CCDC66: variants seen among roughly 807,000 people sequenced by gnomAD.
The protein encoded by CCDC66 is coiled-coil domain containing 66.
CCDC66 carries 133 observed loss-of-function variants against 128.3 expected under a neutral mutation model. The observed-to-expected ratio is 1.04, with a 90% CI of 0.90 to 1.20. The LOEUF is 1.20. Ranked by LOEUF, CCDC66 falls within the 50% of genes most tolerant of loss-of-function variation. The pLI is 0.00. For synonymous variants in CCDC66, 387 were observed against 357.0 expected (o/e 1.08, Z -0.95); for missense variants, 1,126 against 1,075.5 (o/e 1.05, Z -0.66).
At chr3:56,570,219 G>T (rs1009918250) in intron 6 of CCDC66, 2 of 152,032 alleles carry the variant, frequency 1.3e-5, no homozygotes, top group Admixed American at 6.5e-5. Context: ...CATGCTTCCA[G>T]TAACATTCTT....
rs564192692 is a variant in CCDC66, at chr3:56,580,033, T to C, written c.936+8731T>C. On this transcript the variant is annotated intron_variant, in intron 7 of 17. Coordinates refer to ENST00000394672, the MANE Select transcript of CCDC66 (RefSeq NM_001141947.3). ...GTGTTAAAGTCTCCCATTATTATTG[T>C]GTGGGAGTCTAAGTCTCTTTGTAGG... Among the ~76,000 whole-genome samples, 3 of 151,860 alleles carry C rather than the reference T, an allele frequency of 2.0e-5. No individual in the cohort carries two copies. The South Asian group carries it at 6.2e-4, about 32-fold the overall frequency.
At position 56,564,091 on chromosome 3, in the gene CCDC66, T is replaced by G. The variant is rs1262221101; in HGVS notation, c.510T>G (p.Ser170=). 6.2e-7 allele frequency: 1 copy of G among 1,606,490 alleles called. No homozygotes were observed. Among genetic ancestry groups the G allele is most frequent in the Non-Finnish European group, 8.5e-7 (1 of 1,176,340 alleles). The change falls in exon 4 of 18, where the codon TCT becomes TCG. Residue 170 remains serine, a synonymous_variant. Transcript: ENST00000394672. ...TGACTGTAAACCAAGGAAATAGATCTCTTTCCCTGACTGAGAATGGAAAGG... is the reference window on the plus strand; with the variant it reads ...TGACTGTAAACCAAGGAAATAGATCGCTTTCCCTGACTGAGAATGGAAAGG... The part of the protein sequence containing the change: ...ILMTVNQGNR[S]LSLTENGKEA...
In CCDC66 at chr3:56,621,610, T is replaced by A; in HGVS notation, c.2839T>A (p.Ser947Thr). ...AENQEESFGS[S>T]F ...AAATCAAGAAGAGAGTTTTGGTTCTTCATTTTAAATGTAGAAAATCAAATC... is the reference window on the plus strand; with the variant it reads ...AAATCAAGAAGAGAGTTTTGGTTCTACATTTTAAATGTAGAAAATCAAATC... The change falls in exon 18 of 18, where the codon TCA becomes ACA. Residue 947 changes from serine (S) to threonine (T), a missense_variant. By Grantham distance (58) the Ser-to-Thr change is moderately conservative. Transcript: ENST00000394672. The A allele has an allele frequency of 6.3e-7, 1 of 1,593,938 alleles. No individual in the cohort carries two copies. Among genetic ancestry groups the A allele is most frequent in the Non-Finnish European group, 8.6e-7 (1 of 1,169,544 alleles).
intron 7 of CCDC66, chr3:56,572,473 A>G (rs2066769391): frequency 3.3e-6 from 3 of 919,050 alleles, no homozygotes; most frequent in African/African-American, 1.8e-5. Flanking sequence ...ACCTTTTAGT[A>G]TTTGACCTCT....
Position 56,571,242 on chromosome 3 carries a change from G to A in CCDC66, c.876G>A (p.Trp292Ter). ...TTTCTGAAAAATGGAATGATCCTTG[G>A]AAAAAATCTGAAAGTGATAAAATAA... is the stretch of plus-strand genomic sequence containing the variant. ...KEVSEKWNDP[W>*]KKSESDKIIW... Residue 292 changes from tryptophan to a stop codon, truncating the protein, a stop_gained, in exon 7 of 18, where the codon TGG becomes TGA. Coordinates refer to ENST00000394672, the MANE Select transcript of CCDC66 (RefSeq NM_001141947.3). LOFTEE classifies it high-confidence loss of function. 1.3e-6 allele frequency: 2 copies of A among 1,544,464 alleles called. No individual in the cohort carries two copies. Among genetic ancestry groups the A allele is most frequent in the Non-Finnish European group, 1.8e-6 (2 of 1,130,182 alleles).
intron 7 of CCDC66, 45 bp downstream of exon 7, chr3:56,571,347 A>C: frequency 8.8e-6 from 11 of 1,256,962 alleles, no homozygotes; most frequent in Non-Finnish European, 1.2e-5. Flanking sequence ...AGCAGTGTTC[A>C]TATTATAGAA....
At position 56,571,207 on chromosome 3, in the gene CCDC66, GAAA is replaced by G; in HGVS notation, c.844_846del (p.Lys282del). 1 of 1,529,890 alleles carries G rather than the reference GAAA, an allele frequency of 6.5e-7. No homozygotes were observed. The highest frequency in any genetic ancestry group is 1.4e-5 in the African/African-American group (1 of 71,534). The allele number at this position is 1,529,890 out of a possible 1,614,324, so 94.8% of individuals were successfully genotyped here. ...TGAACAGGTTGCTTTAAAGAAGAAAGAAAAAGAAGTTTCTGAAAAATGGAATGA... is the reference window on the plus strand; with the variant it reads ...TGAACAGGTTGCTTTAAAGAAGAAAGAAGAAGTTTCTGAAAAATGGAATGA... On this transcript the variant is annotated inframe_deletion, in exon 7 of 18. Transcript: ENST00000394672.
intron 7 of CCDC66, among the ~76,000 whole-genome samples, chr3:56,591,975 T>C (rs575331955): frequency 6.6e-6 from 1 of 152,334 alleles, no homozygotes; most frequent in South Asian, 2.1e-4. Flanking sequence ...TCAGAAGAAT[T>C]TGAGTAGAAT....
intron 10 of CCDC66, among the ~76,000 whole-genome samples, chr3:56,597,641 TGGG>T (rs2072248079): frequency 6.6e-6 from 1 of 151,936 alleles, no homozygotes; most frequent in East Asian, 1.9e-4. Context: ...CTATTGTAGG[TGGG>T]ATTGCCTTCT....
intron 10 of CCDC66, among the ~76,000 whole-genome samples, chr3:56,601,729 G>C (rs1559727116): frequency 6.6e-6 from 1 of 151,940 alleles, no homozygotes; most frequent in Non-Finnish European, 1.5e-5. Flanking sequence ...TATTCTCTTA[G>C]TAGCAGTTGT....
At chr3:56,563,401 A>G (rs2065384373) in intron 3 of CCDC66, 2 of 255,572 alleles carry the variant, frequency 7.8e-6, no homozygotes, top group East Asian at 1.3e-4. Flanking sequence ...TTGAAAAAAA[A>G]AAAAAAGAGA....
At position 56,615,979 on chromosome 3, in the gene CCDC66, C is replaced by A. The variant is rs767410559; in HGVS notation, c.1769C>A (p.Ser590Tyr). The part of the protein sequence containing the change: ...ASNISNSRHD[S>Y]DEISGKMNTY... ...AACATTTCAAATTCAAGACATGATT[C>A]TGATGAAATCAGTGGTAAAATGAAT... The change falls in exon 13 of 18, where the codon TCT becomes TAT. Residue 590 changes from serine to tyrosine, a missense_variant. Physicochemically the swap from Ser to Tyr is moderately radical, Grantham distance 144. Transcript: ENST00000394672. The A allele has an allele frequency of 2.5e-6, 4 of 1,597,488 alleles. No individual in the cohort carries two copies. In the Admixed American group the frequency reaches 6.8e-5, roughly 27 times the overall value.
chr3:56,615,585 G>A (rs1031054463), intron 12 of CCDC66, among the ~76,000 whole-genome samples: 12 of 152,048 alleles, frequency 7.9e-5, no homozygotes, highest in African/African-American at 2.7e-4. Flanking sequence ...TACTATTCTT[G>A]TAGGAATATC....
intron 10 of CCDC66, among the ~76,000 whole-genome samples, chr3:56,597,776 G>GGTTTTTTTTTTTTTTTTTTT (rs2072306430): frequency 3.2e-5 from 2 of 61,858 alleles, no homozygotes; most frequent in African/African-American, 1.4e-4. Context: ...TTTGTTTTGG[G>GGTTTTTTTTTTTTTTTTTTT]GTTTTTTTTT....
intron 7 of CCDC66, 30 bp downstream of exon 7, chr3:56,571,332 T>C: frequency 7.2e-7 from 1 of 1,387,556 alleles, no homozygotes; most frequent in Non-Finnish European, 9.9e-7. Context: ...ATTTTTAAAA[T>C]ACTAAGCAGT....
rs1422275828 is a variant in CCDC66, at chr3:56,617,605, G to T, written c.2337G>T (p.Lys779Asn). The T allele has an allele frequency of 6.3e-7, 1 of 1,589,810 alleles. No individual in the cohort carries two copies. The highest frequency in any genetic ancestry group is 1.4e-5 in the African/African-American group (1 of 73,184). The change falls in exon 14 of 18, where the codon AAG becomes AAT. Residue 779 changes from lysine to asparagine, a missense_variant and splice_region_variant. Transcript: ENST00000394672. ...ESKLRWHLVK[K>N]EEEPLNIHSF... The stretch of plus-strand genomic sequence containing the variant: ...AGTTGAGGTGGCATCTAGTCAAAAA[G>T]GTAAAGCTCTTCCATCTTAGATGAT...
At position 56,617,208 on chromosome 3, in the gene CCDC66, C is replaced by G. The variant is rs2075632806; in HGVS notation, c.1940C>G (p.Ala647Gly). 1.9e-6 allele frequency: 3 copies of G among 1,613,452 alleles called. No individual in the cohort carries two copies. The highest frequency in any genetic ancestry group is 2.5e-6 in the Non-Finnish European group (3 of 1,179,840). Residue 647 changes from alanine to glycine, a missense_variant, in exon 14 of 18, where the codon GCA becomes GGA. Coordinates refer to ENST00000394672, the MANE Select transcript of CCDC66 (RefSeq NM_001141947.3). ...ITNCSSPEIS[A>G]ELIGQFSTKK... Reference sequence around the variant, plus strand: ...AATTGTTCATCTCCTGAGATTTCGGCAGAACTTATTGGACAGTTTAGCACC... The same window carrying G: ...AATTGTTCATCTCCTGAGATTTCGGGAGAACTTATTGGACAGTTTAGCACC...
chr3:56,571,960 A>T (rs188256337), intron 7 of CCDC66, among the ~76,000 whole-genome samples: 2 of 152,248 alleles, frequency 1.3e-5, no homozygotes, highest in Non-Finnish European at 2.9e-5. Flanking sequence ...ACCTCAAGCG[A>T]TCCTCCCACC....
chr3:56,615,246 C>T lies in CCDC66; in HGVS notation c.1685C>T (p.Thr562Ile). 1.9e-6 allele frequency: 3 copies of T among 1,612,816 alleles called. No homozygotes were observed. In the East Asian group the frequency reaches 6.7e-5, roughly 36 times the overall value. ...IRELAQKGHD[T>I]SRLIKNLGVD... Reference sequence around the variant, plus strand: ...GAATTGGCGCAAAAGGGACATGACACTTCTAGACTGATTAAAAATCTTGGT... The same window carrying T: ...GAATTGGCGCAAAAGGGACATGACATTTCTAGACTGATTAAAAATCTTGGT... The change falls in exon 12 of 18, where the codon ACT (threonine) becomes ATT (isoleucine). Residue 562 changes from threonine (T) to isoleucine (I), a missense_variant. Physicochemically the swap from Thr to Ile is moderately conservative, Grantham distance 89. Coordinates refer to ENST00000394672, the MANE Select transcript of CCDC66 (RefSeq NM_001141947.3).
Sources: allele counts gnomAD v4.1 joint callset (sites outside exome capture counted in the v4.1 genomes callset), GRCh38; gene constraint gnomAD v4.1.1; transcripts MANE v1.5; gene names NCBI Gene and HGNC (gene_info 2026-07-23, HGNC 2026-07-21).